CNTN4: variants seen among roughly 807,000 people sequenced by gnomAD.
CNTN4 encodes contactin-4.
CNTN4 carries 77 observed loss-of-function variants against 122.5 expected under a neutral mutation model. The ratio of observed to expected loss-of-function variants is 0.63; its 90% CI spans 0.52 to 0.76. The LOEUF is 0.76. CNTN4 is among the 30% of genes least tolerant of loss of function. CNTN4 has a pLI of 0.00. For missense variants in CNTN4, 1,256 were observed against 1,259.1 expected (o/e 1.00, Z 0.04); for synonymous variants, 512 against 447.0 (o/e 1.15, Z -1.83).
At chr3:2,573,695 G>C (rs960793008) in intron 4 of CNTN4, among the ~76,000 whole-genome samples, 23 of 152,172 alleles carry the variant, frequency 1.5e-4, no homozygotes, top group Admixed American at 9.8e-4. Context: ...CCTAAGGTGT[G>C]TGTGTAACTG....
chr3:2,969,137 G>A (rs938219777), intron 13 of CNTN4, among the ~76,000 whole-genome samples: 1 of 152,068 alleles, frequency 6.6e-6, no homozygotes, highest in Admixed American at 6.5e-5. Context: ...GAAAATTTCA[G>A]GGTTTGCTGT....
chr3:2,826,074 A>T (rs2092981541), intron 7 of CNTN4, among the ~76,000 whole-genome samples: 8 of 152,226 alleles, frequency 5.3e-5, no homozygotes, highest in Admixed American at 5.2e-4. Context: ...AGGAAATAGA[A>T]GCAAAGAGAT....
intron 6 of CNTN4, among the ~76,000 whole-genome samples, chr3:2,766,792 G>A (rs891407593): frequency 3.3e-5 from 5 of 152,090 alleles, no homozygotes; most frequent in Non-Finnish European, 5.9e-5. Context: ...AGAGCACAAC[G>A]AAATAACAGA....
chr3:3,024,086 A>T (rs1455405726), intron 14 of CNTN4, among the ~76,000 whole-genome samples: 1 of 152,206 alleles, frequency 6.6e-6, no homozygotes, highest in Admixed American at 6.5e-5. Context: ...AGCCTCTGTT[A>T]TATGTGTTAT....
intron 4 of CNTN4, among the ~76,000 whole-genome samples, chr3:2,623,334 C>G (rs951742482): frequency 6.6e-6 from 1 of 151,462 alleles, no homozygotes; most frequent in Admixed American, 6.6e-5. Flanking sequence ...TTTAACTCCT[C>G]ATCCTGAAGC....
chr3:2,144,914 C>T (rs1321853706), intron 2 of CNTN4, among the ~76,000 whole-genome samples: 2 of 152,144 alleles, frequency 1.3e-5, no homozygotes, highest in South Asian at 2.1e-4. Context: ...CAGGAATACA[C>T]GAGCAGGGAA....
intron 3 of CNTN4, among the ~76,000 whole-genome samples, chr3:2,397,147 G>T (rs1234784199): frequency 6.6e-6 from 1 of 152,172 alleles, no homozygotes; most frequent in Non-Finnish European, 1.5e-5. Context: ...TTGCATCTCT[G>T]CTGCTGTTAG....
At chr3:2,991,463 GA>G (rs1695042724) in intron 14 of CNTN4, among the ~76,000 whole-genome samples, 1 of 151,998 alleles carries the variant, frequency 6.6e-6, no homozygotes, top group Non-Finnish European at 1.5e-5. Flanking sequence ...TGAGGTGGGG[GA>G]AAAAAGTTTT....
At chr3:2,853,850 G>A (rs1414553031) in intron 7 of CNTN4, among the ~76,000 whole-genome samples, 1 of 152,192 alleles carries the variant, frequency 6.6e-6, no homozygotes, top group Non-Finnish European at 1.5e-5. Context: ...ACTGTGTCCT[G>A]AGGTATGATT....
chr3:2,254,388 T>C (rs924908722), intron 2 of CNTN4, among the ~76,000 whole-genome samples: 2 of 152,192 alleles, frequency 1.3e-5, no homozygotes, highest in African/African-American at 4.8e-5. Context: ...TAATGTATAA[T>C]CCTTTGGGTA....
intron 3 of CNTN4, among the ~76,000 whole-genome samples, chr3:2,555,228 T>C (rs1243604208): frequency 1.3e-5 from 2 of 152,146 alleles, no homozygotes; most frequent in Non-Finnish European, 2.9e-5. Flanking sequence ...CCAGGAAAAA[T>C]ACTAACCTTC....
chr3:2,988,253 T>C, intron 13 of CNTN4, 92 bp from the exon 14 acceptor site: 1 of 1,210,196 alleles, frequency 8.3e-7, no homozygotes, highest in Non-Finnish European at 1.2e-6. Context: ...CAATGATTTA[T>C]GGTTTGAACA....
rs367687003 is a variant in CNTN4, at chr3:2,666,558, G to C, written c.56-69657G>C. ...TTTTCTTCCAAAACAATTCCTTGAT[G>C]TAATTTTATCATAAGGAATAAAATG... On this transcript the variant is annotated intron_variant, in intron 4 of 24. Transcript: ENST00000418658. Among the ~76,000 whole-genome samples, 265 of 152,122 alleles carry C rather than the reference G, an allele frequency of 1.7e-3. 2 individuals carry two copies. Among genetic ancestry groups the C allele is most frequent in the Middle Eastern group, 0.01 (3 of 294 alleles).
At chr3:2,507,118 C>G (rs1369008885) in intron 3 of CNTN4, among the ~76,000 whole-genome samples, 2 of 152,176 alleles carry the variant, frequency 1.3e-5, no homozygotes, top group Admixed American at 1.3e-4. Context: ...AGAGCACCAA[C>G]ATTTATACTT....
At position 2,642,208 on chromosome 3, in the gene CNTN4, C is replaced by T. The variant is rs1405806750; in HGVS notation, c.55+70650C>T. On this transcript the variant is annotated intron_variant, in intron 4 of 24. Coordinates refer to ENST00000418658, the MANE Select transcript of CNTN4 (RefSeq NM_175607.3). ...AGGTCCAAGAGTAGAACTTGCAGTA[C>T]AATGTTTGAAGGCAGGAAGCATGCA... Among the ~76,000 whole-genome samples the T allele has an allele frequency of 3.3e-5, 5 of 152,240 alleles. No homozygotes were observed. In the East Asian group the frequency reaches 7.7e-4, roughly 24 times the overall value.
At chr3:2,152,935 A>T (rs922629795) in intron 2 of CNTN4, among the ~76,000 whole-genome samples, 2 of 152,112 alleles carry the variant, frequency 1.3e-5, no homozygotes, top group Non-Finnish European at 2.9e-5. Context: ...ACACAGAGCC[A>T]CCCCAGCTAA....
intron 3 of CNTN4, among the ~76,000 whole-genome samples, chr3:2,453,221 AATC>A (rs2048891967): frequency 6.6e-6 from 1 of 152,132 alleles, no homozygotes; most frequent in Admixed American, 6.6e-5. Context: ...ATCAAGTCAG[AATC>A]ATCAAGTTAT....
chr3:2,127,307 C>A (rs547572712), intron 2 of CNTN4, among the ~76,000 whole-genome samples: 16 of 152,214 alleles, frequency 1.1e-4, no homozygotes, highest in South Asian at 8.3e-4. Flanking sequence ...TCAGAAGTAC[C>A]TTGCTGTGAA....
chr3:2,996,106 G>A (rs1306109053), intron 14 of CNTN4, among the ~76,000 whole-genome samples: 1 of 152,104 alleles, frequency 6.6e-6, no homozygotes, highest in Non-Finnish European at 1.5e-5. Flanking sequence ...TCAGTATTTG[G>A]AGGGAGGATG....
Sources: gnomAD v4.1 joint callset for allele counts (sites outside exome capture counted in the v4.1 genomes callset) on GRCh38, gnomAD v4.1.1 for gene constraint, MANE v1.5 for transcripts, NCBI Gene and HGNC (gene_info 2026-07-23, HGNC 2026-07-21) for gene names.